RUNX2: variants seen among roughly 807,000 people sequenced by gnomAD.
The protein encoded by RUNX2 is RUNX family transcription factor 2.
A neutral mutation model predicts 51.7 loss-of-function variants in RUNX2; 10 were observed. That is an observed-to-expected ratio of 0.19 (90% CI 0.12 to 0.33). RUNX2 has a LOEUF of 0.33. Among genes scored for constraint, RUNX2 ranks in the 10% least tolerant of loss-of-function variants. The probability of loss-of-function intolerance (pLI) is 1.00; values close to 1 mark genes in which losing one functional copy is unlikely to be tolerated. For synonymous variants in RUNX2, 276 were observed against 273.6 expected (o/e 1.01, Z -0.09); for missense variants, 562 against 691.3 (o/e 0.81, Z 2.10).
chr6:45,404,087 G>A (rs991337366), intron 2 of RUNX2, among the ~76,000 whole-genome samples: 8 of 151,458 alleles, frequency 5.3e-5, no homozygotes, highest in East Asian at 3.9e-4. Context: ...TGGTGAAACC[G>A]TACCTCTACT....
At chr6:45,504,245 T>C (rs1157644515) in intron 6 of RUNX2, among the ~76,000 whole-genome samples, 1 of 152,222 alleles carries the variant, frequency 6.6e-6, no homozygotes, top group Non-Finnish European at 1.5e-5. Context: ...CCAAGTCAGC[T>C]CTGCATGGCT....
At position 45,547,523 on chromosome 6, in the gene RUNX2, G is replaced by A. The variant is rs775436924; in HGVS notation, c.*218G>A. ...AGGCTCAAGAGAGACAATTGCAATC[G>A]AGCTTCAGATTGTTTACTATTTAAG... On this transcript the variant is annotated 3_prime_UTR_variant, in exon 9 of 9. Coordinates refer to ENST00000647337, the MANE Select transcript of RUNX2 (RefSeq NM_001024630.4). 30 of 585,906 alleles carry A rather than the reference G, an allele frequency of 5.1e-5. No individual in the cohort carries two copies. Among genetic ancestry groups the A allele is most frequent in the Admixed American group, 2.4e-4 (8 of 33,462 alleles). 36.3% of individuals were successfully genotyped at this position (585,906 alleles called of 1,614,324 possible). A position where few individuals can be genotyped will look rare whatever the true frequency, so the allele number is the denominator to read the frequency against.
At chr6:45,332,522 C>T (rs1787722360) in intron 2 of RUNX2, among the ~76,000 whole-genome samples, 2 of 151,754 alleles carry the variant, frequency 1.3e-5, no homozygotes, top group South Asian at 4.1e-4. Context: ...AAATACCAAT[C>T]TTCCATACTG....
chr6:45,377,178 T>C (rs1796916425), intron 2 of RUNX2: 1 of 152,230 alleles, frequency 6.6e-6, no homozygotes, highest in South Asian at 2.1e-4. Context: ...GGCGCTGTTC[T>C]AAGCGTTTAA....
At position 45,538,954 on chromosome 6, in the gene RUNX2, ATCCATCCT is replaced by A. The variant is rs565097186; in HGVS notation, c.1022-6259_1022-6252del. 9.9e-5 allele frequency among the ~76,000 whole-genome samples: 15 copies of A among 152,184 alleles called. No individual in the cohort carries two copies. In the South Asian group the frequency reaches 3.1e-3, roughly 32 times the overall value. On this transcript the variant is annotated intron_variant, in intron 7 of 8. Transcript: ENST00000647337. ...TGCAGTGGATCTGGTTTCAAAGACTATCCATCCTTCCTAGGATTTAAAAAGTTCTTAAT... is the reference window on the plus strand; with the variant it reads ...TGCAGTGGATCTGGTTTCAAAGACTATCCTAGGATTTAAAAAGTTCTTAAT...
intron 2 of RUNX2, among the ~76,000 whole-genome samples, chr6:45,386,980 G>A (rs1797361654): frequency 6.6e-6 from 1 of 152,198 alleles, no homozygotes; most frequent in African/African-American, 2.4e-5. Flanking sequence ...TTGGAAGGGT[G>A]AAAAACTGGA....
intron 5 of RUNX2, among the ~76,000 whole-genome samples, chr6:45,452,934 T>C (rs546772390): frequency 6.6e-6 from 1 of 152,316 alleles, no homozygotes; most frequent in East Asian, 1.9e-4. Context: ...CACTACACTT[T>C]ACCCTTCCAA....
intron 2 of RUNX2, 110 bp from the exon 3 acceptor site, chr6:45,422,483 C>G: frequency 5.4e-6 from 3 of 557,996 alleles, no homozygotes; most frequent in Middle Eastern, 3.4e-4. Flanking sequence ...CTCTTTCCCC[C>G]CGTCTCGCCT....
intron 5 of RUNX2, among the ~76,000 whole-genome samples, chr6:45,485,960 TA>T (rs2150403419): frequency 6.6e-6 from 1 of 152,044 alleles, no homozygotes; most frequent in African/African-American, 2.4e-5. Flanking sequence ...ATTTCAAACA[TA>T]AAAATAAAGA....
chr6:45,497,527 A>C (rs572395880), intron 6 of RUNX2, among the ~76,000 whole-genome samples: 4 of 151,870 alleles, frequency 2.6e-5, no homozygotes, highest in Non-Finnish European at 5.9e-5. Flanking sequence ...CTGCCTAGAC[A>C]CTCTTCCTTG....
chr6:45,364,188 T>C (rs1302755932), intron 2 of RUNX2, among the ~76,000 whole-genome samples: 1 of 152,078 alleles, frequency 6.6e-6, no homozygotes, highest in Non-Finnish European at 1.5e-5. Flanking sequence ...ACAAATATTC[T>C]TCAGGATCTT....
intron 2 of RUNX2, among the ~76,000 whole-genome samples, chr6:45,378,237 A>G (rs913527174): frequency 1.3e-5 from 2 of 152,230 alleles, no homozygotes; most frequent in African/African-American, 4.8e-5. Context: ...GTCAGGGTGT[A>G]CAGGGTGCAG....
intron 6 of RUNX2, among the ~76,000 whole-genome samples, chr6:45,492,767 C>A (rs1489611621): frequency 6.6e-6 from 1 of 152,192 alleles, no homozygotes; most frequent in Non-Finnish European, 1.5e-5. Flanking sequence ...ACCCCCAACT[C>A]TTTTCTTTTT....
At chr6:45,518,240 A>G (rs1218851932) in intron 7 of RUNX2, among the ~76,000 whole-genome samples, 2 of 152,108 alleles carry the variant, frequency 1.3e-5, no homozygotes, top group African/African-American at 4.8e-5. Flanking sequence ...GTTTAAAGCC[A>G]CAGAGTGGGG....
chr6:45,365,230 T>C, intron 2 of RUNX2: 1 of 1,612,036 alleles, frequency 6.2e-7, no homozygotes, highest in Non-Finnish European at 8.5e-7. Flanking sequence ...TTGCAAAGCT[T>C]ATAGACTTCC....
intron 5 of RUNX2, among the ~76,000 whole-genome samples, chr6:45,473,509 C>T (rs1007730478): frequency 9.9e-5 from 15 of 152,098 alleles, no homozygotes; most frequent in Non-Finnish European, 1.9e-4. Flanking sequence ...GCGGTGGCGG[C>T]GGTGTTGCCT....
intron 2 of RUNX2, among the ~76,000 whole-genome samples, chr6:45,366,148 T>C (rs1421522791): frequency 1.3e-5 from 2 of 152,192 alleles, no homozygotes; most frequent in African/African-American, 4.8e-5. Context: ...TTGCATAAAC[T>C]TTGCAAAGCT....
intron 2 of RUNX2, among the ~76,000 whole-genome samples, chr6:45,381,519 C>T (rs1797240814): frequency 6.6e-6 from 1 of 152,088 alleles, no homozygotes. Context: ...CATCAACCTT[C>T]TGGGCTCAAG....
At chr6:45,417,138 G>T (rs1199224250) in intron 2 of RUNX2, among the ~76,000 whole-genome samples, 1 of 152,226 alleles carries the variant, frequency 6.6e-6, no homozygotes, top group Non-Finnish European at 1.5e-5. Flanking sequence ...TCTGAAAACT[G>T]TATATAGGTC....
Sources: gnomAD v4.1 joint callset for allele counts (sites outside exome capture counted in the v4.1 genomes callset) on GRCh38, gnomAD v4.1.1 for gene constraint, MANE v1.5 for transcripts, NCBI Gene and HGNC (gene_info 2026-07-23, HGNC 2026-07-21) for gene names.